Variants in CNNM2 observed in about 807,000 individuals in gnomAD.
CNNM2 encodes the protein cyclin and CBS domain divalent metal cation transport mediator 2.
CNNM2 carries 12 observed loss-of-function variants against 66.9 expected under a neutral mutation model. That is an observed-to-expected ratio of 0.18 (90% CI 0.11 to 0.29). The LOEUF (loss-of-function observed/expected upper bound fraction) is 0.29, where lower values mean the gene tolerates loss of function less well. Ranked by LOEUF, CNNM2 falls within the 10% of genes least tolerant of loss-of-function variation. The pLI is 1.00. For missense variants in CNNM2, 705 were observed against 1,167.7 expected (o/e 0.60, Z 5.77); for synonymous variants, 557 against 501.8 (o/e 1.11, Z -1.47).
At chr10:103,051,791 T>A (rs1378006619) in intron 2 of CNNM2, among the ~76,000 whole-genome samples, 1 of 151,914 alleles carries the variant, frequency 6.6e-6, no homozygotes, top group Non-Finnish European at 1.5e-5. Context: ...AAAGAAAAAA[T>A]TTTACACTTA....
chr10:103,041,605 T>C (rs1439619637), intron 1 of CNNM2, among the ~76,000 whole-genome samples: 2 of 152,228 alleles, frequency 1.3e-5, no homozygotes, highest in Admixed American at 6.5e-5. Context: ...GTCTTCAGCA[T>C]GTCACTTACA....
chr10:103,012,639 C>CTTTTT (rs78646079), intron 1 of CNNM2, among the ~76,000 whole-genome samples: 19 of 118,068 alleles, frequency 1.6e-4, no homozygotes, highest in African/African-American at 6.1e-4. Context: ...CAGAGCAAGA[C>CTTTTT]TTTTTTTTTT....
chr10:102,932,287 C>T (rs552954202), intron 1 of CNNM2, among the ~76,000 whole-genome samples: 11 of 151,720 alleles, frequency 7.3e-5, no homozygotes, highest in East Asian at 5.8e-4. Flanking sequence ...TGGCCTCAAC[C>T]GATCCTCCAG....
At chr10:103,047,236 C>G (rs1046575848) in intron 1 of CNNM2, among the ~76,000 whole-genome samples, 1 of 152,228 alleles carries the variant, frequency 6.6e-6, no homozygotes. Context: ...CATATAACCA[C>G]TGATGTAACT....
chr10:102,934,006 ACT>A (rs1491216539), intron 1 of CNNM2, among the ~76,000 whole-genome samples: 19 of 133,052 alleles, frequency 1.4e-4, no homozygotes, highest in Non-Finnish European at 1.9e-4. Context: ...GCTTATTTTA[ACT>A]TTTTTTTTTT....
chr10:103,040,250 T>A (rs2065015580), intron 1 of CNNM2, among the ~76,000 whole-genome samples: 1 of 151,954 alleles, frequency 6.6e-6, no homozygotes, highest in Non-Finnish European at 1.5e-5. Flanking sequence ...TTTCTACTTT[T>A]GGGAATAGAA....
At chr10:102,972,506 G>A (rs368560661) in intron 1 of CNNM2, among the ~76,000 whole-genome samples, 2 of 152,044 alleles carry the variant, frequency 1.3e-5, no homozygotes, top group Non-Finnish European at 2.9e-5. Flanking sequence ...GCGTGGTGGC[G>A]GGCGCCTGTA....
chr10:103,047,624 C>T (rs2065148111), intron 1 of CNNM2, among the ~76,000 whole-genome samples: 1 of 152,196 alleles, frequency 6.6e-6, no homozygotes, highest in Non-Finnish European at 1.5e-5. Context: ...ACTCTCTTTG[C>T]AACTTTTCTG....
chr10:102,961,236 C>T (rs534642131), intron 1 of CNNM2, among the ~76,000 whole-genome samples: 2 of 152,222 alleles, frequency 1.3e-5, no homozygotes, highest in East Asian at 3.9e-4. Context: ...CTTACCTCTG[C>T]GTTGTCATTC....
intron 1 of CNNM2, among the ~76,000 whole-genome samples, chr10:103,045,613 A>G (rs2065115978): frequency 6.6e-6 from 1 of 151,840 alleles, no homozygotes. Context: ...CCACCAAGAA[A>G]ACACTCTGTC....
At chr10:102,933,703 A>G (rs1846134991) in intron 1 of CNNM2, among the ~76,000 whole-genome samples, 1 of 152,222 alleles carries the variant, frequency 6.6e-6, no homozygotes, top group Non-Finnish European at 1.5e-5. Flanking sequence ...TTGATAGGAA[A>G]GACTAAATTT....
At position 103,082,959 on chromosome 10, in the gene CNNM2, C is replaced by A. The variant is rs1424507369; in HGVS notation, c.*5779C>A. 6.6e-6 allele frequency: 1 copy of A among 151,072 alleles called. No individual in the cohort carries two copies. The highest frequency in any genetic ancestry group is 1.5e-5 in the Non-Finnish European group (1 of 67,954). 9.4% of individuals were successfully genotyped at this position (151,072 alleles called of 1,614,324 possible). ...CAGTGATAATGGTTTCTTCCACTTA[C>A]CTTAGATTGCATAATCCATCTTTCT... On this transcript the variant is annotated 3_prime_UTR_variant, in exon 8 of 8. Transcript: ENST00000369878.
At chr10:103,052,793 C>T (rs186472470) in intron 2 of CNNM2, among the ~76,000 whole-genome samples, 46 of 152,276 alleles carry the variant, frequency 3.0e-4, no homozygotes, top group African/African-American at 1.1e-3. Flanking sequence ...GGATTATAGG[C>T]GTCACCGTGC....
intron 4 of CNNM2, among the ~76,000 whole-genome samples, chr10:103,059,797 T>C (rs1317233156): frequency 6.6e-6 from 1 of 152,104 alleles, no homozygotes; most frequent in African/African-American, 2.4e-5. Flanking sequence ...TAAAATAGAA[T>C]TAACAGATTT....
intron 1 of CNNM2, among the ~76,000 whole-genome samples, chr10:102,931,170 T>A (rs1027748020): frequency 6.6e-6 from 1 of 152,158 alleles, no homozygotes; most frequent in Non-Finnish European, 1.5e-5. Flanking sequence ...ACTGGGCTTC[T>A]GCCTCAGTGC....
rs115285819 is a variant in CNNM2 at position 103,089,412 on chromosome 10, T to C, written c.*12232T>C. ...AGTGTCACAAGCCACAGTGGAGCCA[T>C]ATACATGCAGTTCAGCCTGATTTTA... On this transcript the variant is annotated 3_prime_UTR_variant, in exon 8 of 8. Coordinates refer to ENST00000369878, the MANE Select transcript of CNNM2 (RefSeq NM_017649.5). 3.6e-5 allele frequency: 14 copies of C among 388,538 alleles called. No individual in the cohort carries two copies. Among genetic ancestry groups the C allele is most frequent in the African/African-American group, 2.6e-4 (13 of 49,138 alleles). 24.1% of individuals were successfully genotyped at this position (388,538 alleles called of 1,614,324 possible). A position where few individuals can be genotyped will look rare whatever the true frequency, so the allele number is the denominator to read the frequency against.
At chr10:103,023,279 C>T (rs1175171026) in intron 1 of CNNM2, among the ~76,000 whole-genome samples, 1 of 152,154 alleles carries the variant, frequency 6.6e-6, no homozygotes, top group Non-Finnish European at 1.5e-5. Flanking sequence ...GGGCCTGGCG[C>T]AGTGGCTCAT....
At chr10:102,973,656 C>CT (rs2134219388) in intron 1 of CNNM2, among the ~76,000 whole-genome samples, 1 of 152,200 alleles carries the variant, frequency 6.6e-6, no homozygotes, top group East Asian at 1.9e-4. Context: ...TGTGCCTGGC[C>CT]TTATGCAGTG....
chr10:102,933,725 AGGGTC>A (rs1203610409), intron 1 of CNNM2, among the ~76,000 whole-genome samples: 7 of 152,190 alleles, frequency 4.6e-5, no homozygotes, highest in African/African-American at 1.7e-4. Flanking sequence ...TTTTTAAGAC[AGGGTC>A]TCATTAGCAC....
Sources: gnomAD v4.1 joint callset for allele counts (sites outside exome capture counted in the v4.1 genomes callset) on GRCh38, gnomAD v4.1.1 for gene constraint, MANE v1.5 for transcripts, NCBI Gene and HGNC (gene_info 2026-07-23, HGNC 2026-07-21) for gene names.